The following OXR1 variants were observed in gnomAD, a reference collection of about 807,000 sequenced individuals.
OXR1 encodes oxidation resistance protein 1.
A neutral mutation model predicts 104.6 loss-of-function variants in OXR1; 41 were observed. The observed-to-expected ratio is 0.39, with a 90% CI of 0.31 to 0.51. The LOEUF is 0.51. Among genes scored for constraint, OXR1 ranks in the 20% least tolerant of loss-of-function variants. OXR1 has a pLI of 0.77. For synonymous variants in OXR1, 348 were observed against 348.4 expected (o/e 1.00, Z 0.01); for missense variants, 955 against 1,031.9 (o/e 0.93, Z 1.02).
chr8:106,399,337 C>T (rs546926508), intron 2 of OXR1, among the ~76,000 whole-genome samples: 1 of 152,120 alleles, frequency 6.6e-6, no homozygotes, highest in Non-Finnish European at 1.5e-5. Context: ...AATAGCAATC[C>T]TAGCATTTCA....
At chr8:106,604,322 T>C (rs536865984) in intron 3 of OXR1, among the ~76,000 whole-genome samples, 1 of 152,182 alleles carries the variant, frequency 6.6e-6, no homozygotes, top group South Asian at 2.1e-4. Context: ...AAGTCAGGGG[T>C]CTTGGCTTTC....
At chr8:106,705,101 T>C (rs1237493876) in intron 8 of OXR1, among the ~76,000 whole-genome samples, 1 of 152,098 alleles carries the variant, frequency 6.6e-6, no homozygotes, top group Non-Finnish European at 1.5e-5. Flanking sequence ...ATCTGAAGAG[T>C]ATAGCACTTT....
intron 2 of OXR1, among the ~76,000 whole-genome samples, chr8:106,384,293 G>A (rs142802074): frequency 2.6e-5 from 4 of 152,212 alleles, no homozygotes; most frequent in East Asian, 1.9e-4. Context: ...TGAAATAGGC[G>A]TGCTTATGAT....
intron 3 of OXR1, among the ~76,000 whole-genome samples, chr8:106,634,084 T>C (rs1439621845): frequency 6.6e-6 from 1 of 152,204 alleles, no homozygotes; most frequent in African/African-American, 2.4e-5. Flanking sequence ...TTACAAAATT[T>C]CCATGATAAA....
chr8:106,288,705 ATATATTATATATATT>A (rs1812614072), intron 1 of OXR1, among the ~76,000 whole-genome samples: 1 of 122,964 alleles, frequency 8.1e-6, no homozygotes, highest in Non-Finnish European at 1.7e-5. Flanking sequence ...TTATATATTT[ATATATTATATATATT>A]TATATATAAA....
intron 3 of OXR1, among the ~76,000 whole-genome samples, chr8:106,555,508 C>T (rs1315747060): frequency 6.6e-6 from 1 of 152,100 alleles, no homozygotes. Flanking sequence ...ACTAAGAGAT[C>T]TTTCACACAG....
chr8:106,533,384 T>C (rs180691356), intron 3 of OXR1, among the ~76,000 whole-genome samples: 233 of 152,316 alleles, frequency 1.5e-3, no homozygotes, highest in African/African-American at 5.2e-3. Context: ...GACCTTGACA[T>C]CCTGGAATTA....
intron 11 of OXR1, among the ~76,000 whole-genome samples, chr8:106,727,882 C>T (rs1486498524): frequency 6.6e-6 from 1 of 151,934 alleles, no homozygotes; most frequent in Non-Finnish European, 1.5e-5. Flanking sequence ...GAATTATTTC[C>T]CATTTTGAAG....
intron 4 of OXR1, chr8:106,682,344 C>G (rs1257188701): frequency 6.7e-6 from 1 of 148,800 alleles, no homozygotes; most frequent in Non-Finnish European, 1.5e-5. Flanking sequence ...TCTCGGCTCA[C>G]TGCAAGCTCG....
At chr8:106,487,821 A>G (rs1366741785) in intron 2 of OXR1, among the ~76,000 whole-genome samples, 3 of 151,638 alleles carry the variant, frequency 2.0e-5, no homozygotes, top group Admixed American at 6.6e-5. Context: ...CCAGTCTATC[A>G]TTGTTGGACA....
At chr8:106,549,604 G>A (rs1307023252) in intron 3 of OXR1, among the ~76,000 whole-genome samples, 1 of 152,142 alleles carries the variant, frequency 6.6e-6, no homozygotes, top group East Asian at 1.9e-4. Context: ...ATAAACAACA[G>A]AAATGTATTT....
At chr8:106,430,823 C>A (rs573136893) in intron 2 of OXR1, among the ~76,000 whole-genome samples, 1 of 152,136 alleles carries the variant, frequency 6.6e-6, no homozygotes, top group South Asian at 2.1e-4. Flanking sequence ...TTTAGTCTAT[C>A]TTATGGACTA....
chr8:106,453,798 G>A (rs1563532479), intron 2 of OXR1, among the ~76,000 whole-genome samples: 1 of 152,186 alleles, frequency 6.6e-6, no homozygotes, highest in African/African-American at 2.4e-5. Context: ...TATCCCCCCA[G>A]CATATAGCAT....
chr8:106,559,215 C>T (rs1190765057), intron 3 of OXR1, among the ~76,000 whole-genome samples: 1 of 152,170 alleles, frequency 6.6e-6, no homozygotes, highest in African/African-American at 2.4e-5. Context: ...CAAGGATGGA[C>T]TTTCCTCCAG....
At chr8:106,339,355 C>T (rs566401617) in intron 1 of OXR1, among the ~76,000 whole-genome samples, 23 of 150,426 alleles carry the variant, frequency 1.5e-4, no homozygotes, top group Non-Finnish European at 2.1e-4. Context: ...ATCAGCCGGG[C>T]GTGGTGGCGA....
At chr8:106,561,041 T>C (rs1816638509) in intron 3 of OXR1, among the ~76,000 whole-genome samples, 1 of 152,124 alleles carries the variant, frequency 6.6e-6, no homozygotes, top group South Asian at 2.1e-4. Context: ...CTTGGGTGTA[T>C]ACACCACAAG....
chr8:106,459,988 C>T (rs1195665998), intron 2 of OXR1, among the ~76,000 whole-genome samples: 2 of 152,170 alleles, frequency 1.3e-5, no homozygotes, highest in Non-Finnish European at 2.9e-5. Context: ...GTCAACTCCT[C>T]ACAGTCACTT....
intron 1 of OXR1, among the ~76,000 whole-genome samples, chr8:106,304,688 T>G (rs940312859): frequency 7.2e-5 from 11 of 152,170 alleles, no homozygotes; most frequent in Non-Finnish European, 1.5e-4. Flanking sequence ...CTTCAAAATG[T>G]GGTATATATT....
intron 2 of OXR1, among the ~76,000 whole-genome samples, chr8:106,385,693 G>T (rs1039020354): frequency 6.6e-6 from 1 of 152,064 alleles, no homozygotes; most frequent in African/African-American, 2.4e-5. Context: ...CTTTTTCCAG[G>T]TTCCAGGTTA....
Sources: gnomAD v4.1 joint callset for allele counts (sites outside exome capture counted in the v4.1 genomes callset) on GRCh38, gnomAD v4.1.1 for gene constraint, MANE v1.5 for transcripts, NCBI Gene and HGNC (gene_info 2026-07-23, HGNC 2026-07-21) for gene names.